ADAM8: variants seen among roughly 807,000 people sequenced by gnomAD.
ADAM8 encodes the protein disintegrin and metalloproteinase domain-containing protein 8.
A neutral mutation model predicts 102.4 loss-of-function variants in ADAM8; 104 were observed. The observed-to-expected ratio is 1.02, with a 90% CI of 0.87 to 1.20. The LOEUF is 1.20. Among genes scored for constraint, ADAM8 ranks in the 50% most tolerant of loss-of-function variants. The pLI is 0.00. For missense variants in ADAM8, 1,132 were observed against 1,159.0 expected (o/e 0.98, Z 0.34); for synonymous variants, 517 against 485.2 (o/e 1.07, Z -0.86).
chr10:133,263,378 A>C, intron 22 of ADAM8, 145 bp from the exon 23 acceptor site: 1 of 795,826 alleles, frequency 1.3e-6, no homozygotes, highest in Non-Finnish European at 1.9e-6. Context: ...CATGCACACA[A>C]TGGCAGGTGT....
intron 6 of ADAM8, 96 bp downstream of exon 6, chr10:133,273,158 G>T: frequency 6.3e-7 from 1 of 1,579,256 alleles, no homozygotes; most frequent in East Asian, 2.3e-5. Context: ...TGCAGACAAT[G>T]GGCAGCACCC....
chr10:133,264,590 G>A (rs111640367), intron 21 of ADAM8, among the ~76,000 whole-genome samples: 80 of 152,314 alleles, frequency 5.3e-4, no homozygotes, highest in African/African-American at 1.7e-3. Context: ...GCAGCCAGGG[G>A]AAGCCCGTGA....
chr10:133,269,571 C>T lies in ADAM8; in HGVS notation c.1864-42G>A, dbSNP rs746754086. ...GCTCAGGGCCAACCCTGTTGTGGAC[C>T]CCAAGGGGCCGTGGGGGCCGTGCCT... On this transcript the variant is annotated intron_variant, in intron 17 of 22. Transcript: ENST00000445355. The T allele has an allele frequency of 1.7e-5, 26 of 1,527,682 alleles. No individual in the cohort carries two copies. In the Admixed American group the frequency reaches 5.2e-4, roughly 31 times the overall value. The allele number at this position is 1,527,682 out of a possible 1,614,324, so 94.6% of individuals were successfully genotyped here.
chr10:133,263,075 C>T lies in ADAM8; in HGVS notation c.*81G>A. On this transcript the variant is annotated 3_prime_UTR_variant, in exon 23 of 23. Transcript: ENST00000445355. ...AGTCAGGGTCTAGGGCTGAGCGGCA[C>T]TAGCTGGACCGTGGAATGCTGGAAC... 6.5e-7 allele frequency: 1 copy of T among 1,531,822 alleles called. No individual in the cohort carries two copies. Among genetic ancestry groups the T allele is most frequent in the Non-Finnish European group, 9.0e-7 (1 of 1,105,172 alleles). 94.9% of individuals were successfully genotyped at this position (1,531,822 alleles called of 1,614,324 possible).
At chr10:133,269,572 C>T in intron 17 of ADAM8, 43 bp from the exon 18 acceptor site, 3 of 1,528,510 alleles carry the variant, frequency 2.0e-6, no homozygotes, top group Non-Finnish European at 2.6e-6. Flanking sequence ...GTTGTGGACC[C>T]CAAGGGGCCG....
At position 133,272,536 on chromosome 10, in the gene ADAM8, C is replaced by T. The variant is rs748032657; in HGVS notation, c.755G>A (p.Trp252Ter). The change falls in exon 9 of 23, where the codon TGG becomes TAG. Residue 252 changes from tryptophan to a stop codon, truncating the protein, a stop_gained. Transcript: ENST00000445355. LOFTEE classifies it high-confidence loss of function. ...GACGTGGAACCTGTCCTGACTATTC[C>T]AAATCTCCAGGCCCACCAGGACCAC... ...FRVVLVGLEI[W>*]NSQDRFHVSP... 12 of 1,611,986 alleles carry T rather than the reference C, an allele frequency of 7.4e-6. No homozygotes were observed. The South Asian group carries it at 1.1e-4, about 15-fold the overall frequency.
rs141975335 is a variant in ADAM8 at position 133,269,520 on chromosome 10, G to A, written c.1873C>T (p.His625Tyr). ...GCGTGGCAGTGGCACTCCTGCTTGT[G>A]GTTGCACACCTGCGGGGACGGCTGG... ...AQCHNHGVCNHKQECHCHAGW... is the reference protein window; with the variant it reads ...AQCHNHGVCNYKQECHCHAGW... Residue 625 changes from histidine to tyrosine, a missense_variant, in exon 18 of 23, where the codon CAC becomes TAC. Transcript: ENST00000445355. 197 of 1,597,944 alleles carry A rather than the reference G, an allele frequency of 1.2e-4. No individual in the cohort carries two copies. The African/African-American group carries it at 2.4e-3, about 20-fold the overall frequency.
intron 22 of ADAM8, 69 bp downstream of exon 22, chr10:133,263,619 T>TCAGCCCCGTGGGGAGGCCGTGCCACTGC: frequency 6.9e-7 from 1 of 1,456,736 alleles, no homozygotes; most frequent in Non-Finnish European, 9.2e-7. Context: ...AGTGCCACCG[T>TCAGCCCCGTGGGGAGGCCGTGCCACTGC]CAGCCCCGTG....
In ADAM8 at chr10:133,272,174, C is replaced by A. The variant is rs748721616; in HGVS notation, c.957+19G>T. On this transcript the variant is annotated intron_variant, in intron 10 of 22. Transcript: ENST00000445355. ...AGCTCTGGCCTCGGCCTGGCAAACC[C>A]GGGCAGGAGCCCCCTCACCTGGTTC... The A allele has an allele frequency of 1.3e-6, 2 of 1,549,602 alleles. No individual in the cohort carries two copies. Among genetic ancestry groups the A allele is most frequent in the Admixed American group, 2.0e-5 (1 of 50,980 alleles).
At chr10:133,275,168 T>C (rs957420266) in intron 2 of ADAM8, among the ~76,000 whole-genome samples, 5 of 151,788 alleles carry the variant, frequency 3.3e-5, no homozygotes, top group Admixed American at 6.5e-5. Context: ...AACTCTGCGG[T>C]GAGCCAGCGT....
At chr10:133,265,574 G>A (rs1438894143) in intron 21 of ADAM8, among the ~76,000 whole-genome samples, 2 of 152,068 alleles carry the variant, frequency 1.3e-5, no homozygotes, top group East Asian at 1.9e-4. Flanking sequence ...GGCAGATTAC[G>A]AGGTCAAGAG....
At position 133,273,853 on chromosome 10, in the gene ADAM8, G is replaced by T; in HGVS notation, c.307-15C>A. ...AAGCAGTGGTCCTGCGGGGGAAGCA[G>T]GAGAGGGGTCCACAGGCTGTGCCCC... On this transcript the variant is annotated splice_polypyrimidine_tract_variant and intron_variant, in intron 4 of 22. Transcript: ENST00000445355. The T allele has an allele frequency of 6.5e-7, 1 of 1,549,338 alleles. No individual in the cohort carries two copies. Among genetic ancestry groups the T allele is most frequent in the Non-Finnish European group, 8.7e-7 (1 of 1,147,408 alleles).
chr10:133,272,012 C>A, intron 10 of ADAM8, 58 bp from the exon 11 acceptor site: 1 of 1,589,670 alleles, frequency 6.3e-7, no homozygotes, highest in South Asian at 1.1e-5. Context: ...GCCTGCCACC[C>A]TCACCCCACC....
At chr10:133,265,423 G>A (rs1027151271) in intron 21 of ADAM8, among the ~76,000 whole-genome samples, 2 of 152,180 alleles carry the variant, frequency 1.3e-5, no homozygotes, top group Non-Finnish European at 2.9e-5. Context: ...CCCCTTCTAG[G>A]ACTATTTCTG....
intron 7 of ADAM8, 30 bp downstream of exon 7, chr10:133,272,927 G>A: frequency 6.2e-7 from 1 of 1,612,274 alleles, no homozygotes; most frequent in South Asian, 1.1e-5. Flanking sequence ...GCCGCCGGCT[G>A]CTCTCCCACC....
In ADAM8 at chr10:133,271,648, C is replaced by T; in HGVS notation, c.1164G>A (p.Leu388=). 1 of 1,558,732 alleles carries T rather than the reference C, an allele frequency of 6.4e-7. No individual in the cohort carries two copies. The highest frequency in any genetic ancestry group is 1.2e-5 in the South Asian group (1 of 85,658). Residue 388 remains leucine, a synonymous_variant, in exon 12 of 23, where the codon TTG becomes TTA. Coordinates refer to ENST00000445355, the MANE Select transcript of ADAM8 (RefSeq NM_001109.5). ...CGAGGCACACCGACTGCGGCCGCTC[C>T]AAAAAGCTCTCCAGGTAGGCCTGGC... ...DCSQAYLESF[L]ERPQSVCLAN... is the part of the protein sequence containing the mutation.
At chr10:133,271,978 G>A in intron 10 of ADAM8, 24 bp from the exon 11 acceptor site, 1 of 1,600,814 alleles carries the variant, frequency 6.2e-7, no homozygotes, top group African/African-American at 1.3e-5. Flanking sequence ...TGTGCTCTCA[G>A]GAACCATGTG....
In ADAM8 at chr10:133,276,842, AGGT is replaced by A; in HGVS notation, c.-28_-26del. On this transcript the variant is annotated 5_prime_UTR_variant, in exon 1 of 23. Coordinates refer to ENST00000445355, the MANE Select transcript of ADAM8 (RefSeq NM_001109.5). ...TGGCCGGGTCGGGGAGCAGAGGCGG[AGGT>A]GACAGCCCCGCGGGACACGGTCTGG... The A allele has an allele frequency of 1.3e-6, 2 of 1,516,474 alleles. No homozygotes were observed. Among genetic ancestry groups the A allele is most frequent in the Non-Finnish European group, 1.8e-6 (2 of 1,136,160 alleles). 93.9% of individuals were successfully genotyped at this position (1,516,474 alleles called of 1,614,324 possible).
chr10:133,263,637 C>A, intron 22 of ADAM8, 51 bp downstream of exon 22: 1 of 1,472,988 alleles, frequency 6.8e-7, no homozygotes, highest in Non-Finnish European at 9.0e-7. Context: ...GTGGGGAGGC[C>A]GTGCCGTCCA....
Sources: gnomAD v4.1 joint callset for allele counts (sites outside exome capture counted in the v4.1 genomes callset) on GRCh38, gnomAD v4.1.1 for gene constraint, MANE v1.5 for transcripts, NCBI Gene and HGNC (gene_info 2026-07-23, HGNC 2026-07-21) for gene names.